Variants in TDRD5 observed in about 807,000 individuals in gnomAD.
TDRD5 encodes tudor domain containing 5.
A neutral mutation model predicts 120.6 loss-of-function variants in TDRD5; 41 were observed. The observed-to-expected ratio is 0.34, with a 90% CI of 0.26 to 0.44. The LOEUF is 0.44. TDRD5 is among the 20% of genes least tolerant of loss of function. The pLI is 1.00. For missense variants in TDRD5, 1,006 were observed against 1,221.2 expected (o/e 0.82, Z 2.63); for synonymous variants, 430 against 433.7 (o/e 0.99, Z 0.11).
intron 8 of TDRD5, 137 bp from the exon 9 acceptor site, chr1:179,635,530 A>G: frequency 1.2e-6 from 1 of 819,980 alleles, no homozygotes; most frequent in South Asian, 1.9e-5. Context: ...AGTCTGGGCT[A>G]GAGTTCAAGA....
At chr1:179,599,946 T>C (rs1675617265) in intron 4 of TDRD5, among the ~76,000 whole-genome samples, 4 of 152,186 alleles carry the variant, frequency 2.6e-5, no homozygotes, top group South Asian at 4.1e-4. Flanking sequence ...TAGTTGATAA[T>C]GACAATCAAC....
In TDRD5 at chr1:179,638,320, G is replaced by A. The variant is rs530304020; in HGVS notation, c.1521-1519G>A. Among the ~76,000 whole-genome samples the A allele has an allele frequency of 5.5e-5, 7 of 127,012 alleles. 1 individual carries two copies. The South Asian group carries it at 8.0e-4, about 15-fold the overall frequency. The allele number at this position is 127,012 out of a possible 152,430, so 83.3% of individuals were successfully genotyped here. On this transcript the variant is annotated intron_variant, in intron 9 of 17. Coordinates refer to ENST00000444136, the MANE Select transcript of TDRD5 (RefSeq NM_001199085.3). ...CAGGTGACAAGAAGGGTGTTGAGAA[G>A]AATAAGAAAGAGAAGGAGATGATGA...
intron 12 of TDRD5, 33 bp from the exon 13 acceptor site, chr1:179,652,006 A>G (rs1553330820): frequency 1.2e-6 from 2 of 1,605,556 alleles, no homozygotes; most frequent in South Asian, 2.3e-5. Flanking sequence ...GGTCATGTAA[A>G]TTAAACCATC....
chr1:179,677,728 G>T (rs949626933), intron 17 of TDRD5, among the ~76,000 whole-genome samples: 4 of 152,216 alleles, frequency 2.6e-5, no homozygotes. Context: ...TGCAGCCATA[G>T]ATACCAGCAC....
At position 179,647,622 on chromosome 1, in the gene TDRD5, TG is replaced by T. The variant is rs1678455453; in HGVS notation, c.1801-3244del. 2.0e-5 allele frequency among the ~76,000 whole-genome samples: 3 copies of T among 152,130 alleles called. No individual in the cohort carries two copies. In the South Asian group the frequency reaches 6.2e-4, roughly 32 times the overall value. On this transcript the variant is annotated intron_variant, in intron 11 of 17. Transcript: ENST00000444136. Reference sequence around the variant, plus strand: ...AAATGGGATCTAATTAAAGAGCTTCTGCACAGCAAAAGAAACTACCATCAGA... The same window carrying T: ...AAATGGGATCTAATTAAAGAGCTTCTCACAGCAAAAGAAACTACCATCAGA...
intron 4 of TDRD5, among the ~76,000 whole-genome samples, chr1:179,608,456 TTC>T (rs1286934754): frequency 6.6e-6 from 1 of 151,714 alleles, no homozygotes; most frequent in African/African-American, 2.4e-5. Flanking sequence ...TTCATTACAA[TTC>T]TCTTTTTTCC....
At chr1:179,646,212 T>C (rs992192925) in intron 11 of TDRD5, among the ~76,000 whole-genome samples, 6 of 152,224 alleles carry the variant, frequency 3.9e-5, no homozygotes, top group Non-Finnish European at 8.8e-5. Flanking sequence ...ATGATTACTC[T>C]AGGAAATACA....
intron 6 of TDRD5, among the ~76,000 whole-genome samples, chr1:179,622,200 T>C (rs1257471818): frequency 6.6e-6 from 1 of 152,166 alleles, no homozygotes; most frequent in East Asian, 1.9e-4. Context: ...GGGGCAGACA[T>C]AGAGCAGCCT....
chr1:179,672,312 C>A (rs1243465049), intron 17 of TDRD5, among the ~76,000 whole-genome samples: 2 of 152,080 alleles, frequency 1.3e-5, no homozygotes, highest in African/African-American at 4.8e-5. Flanking sequence ...GGTATTCTTG[C>A]AGAAGTGAGG....
intron 17 of TDRD5, among the ~76,000 whole-genome samples, chr1:179,675,270 A>ATTT (rs879312785): frequency 0.024 from 1,388 of 58,326 alleles, 124 homozygotes; most frequent in Middle Eastern, 0.035. Flanking sequence ...TATTATTATT[A>ATTT]TTATTTTTTT....
chr1:179,599,701 T>A (rs559616379), intron 4 of TDRD5, among the ~76,000 whole-genome samples: 34 of 152,134 alleles, frequency 2.2e-4, no homozygotes, highest in Non-Finnish European at 4.3e-4. Flanking sequence ...TCTATCTCTC[T>A]CATACACATA....
At chr1:179,596,114 A>G (rs967260229) in intron 4 of TDRD5, among the ~76,000 whole-genome samples, 3 of 152,170 alleles carry the variant, frequency 2.0e-5, no homozygotes, top group East Asian at 1.9e-4. Flanking sequence ...CATATTTGCA[A>G]TTTACCTCAC....
rs773663186 is a variant in TDRD5, at chr1:179,662,159, T to C, written c.2378T>C (p.Ile793Thr). 7 of 1,610,314 alleles carry C rather than the reference T, an allele frequency of 4.3e-6. No individual in the cohort carries two copies. Among genetic ancestry groups the C allele is most frequent in the Non-Finnish European group, 5.1e-6 (6 of 1,178,498 alleles). ...CLESVTIGDD[I>T]WDENWLPLQA... ...GAGTCAGTGACCATAGGTGATGATATTTGGGATGAGAACTGGTTACCTCTA... is the reference window on the plus strand; with the variant it reads ...GAGTCAGTGACCATAGGTGATGATACTTGGGATGAGAACTGGTTACCTCTA... The change falls in exon 15 of 18, where the codon ATT becomes ACT. Residue 793 changes from isoleucine to threonine, a missense_variant. Ile to Thr is a moderately conservative substitution (Grantham distance 89). Coordinates refer to ENST00000444136, the MANE Select transcript of TDRD5 (RefSeq NM_001199085.3).
intron 7 of TDRD5, among the ~76,000 whole-genome samples, chr1:179,633,463 T>G (rs1323274410): frequency 1.3e-5 from 2 of 151,988 alleles, no homozygotes; most frequent in Non-Finnish European, 2.9e-5. Flanking sequence ...GTGATTCTCC[T>G]GCCTCGGCCT....
rs547516706 is a variant in TDRD5 at position 179,667,983 on chromosome 1, G to C, written c.2650-1211G>C. Among the ~76,000 whole-genome samples the C allele has an allele frequency of 3.9e-5, 6 of 152,278 alleles. No individual in the cohort carries two copies. The South Asian group carries it at 8.3e-4, about 21-fold the overall frequency. On this transcript the variant is annotated intron_variant, in intron 16 of 17. Transcript: ENST00000444136. Reference sequence around the variant, plus strand: ...ACAATTATTGTTTCAGTTTGCTCTAGGCAGATCCCAGACGATAAACCACTT... The same window carrying C: ...ACAATTATTGTTTCAGTTTGCTCTACGCAGATCCCAGACGATAAACCACTT...
At position 179,639,867 on chromosome 1, in the gene TDRD5, G is replaced by C. The variant is rs1386447818; in HGVS notation, c.1549G>C (p.Asp517His). 1.2e-6 allele frequency: 2 copies of C among 1,614,066 alleles called. No individual in the cohort carries two copies. Among genetic ancestry groups the C allele is most frequent in the South Asian group, 2.2e-5 (2 of 91,082 alleles). Residue 517 changes from aspartate (D) to histidine (H), a missense_variant, in exon 10 of 18, where the codon GAT becomes CAT. By Grantham distance (81) the Asp-to-His change is moderately conservative (BLOSUM62 -1). Coordinates refer to ENST00000444136, the MANE Select transcript of TDRD5 (RefSeq NM_001199085.3). Reference protein sequence around the residue: ...RRCYSNQLVSDRYVMPECFIQ... With the variant: ...RRCYSNQLVSHRYVMPECFIQ... The stretch of plus-strand genomic sequence containing the variant: ...CTGTTATTCTAATCAGCTGGTTTCT[G>C]ATCGATATGTCATGCCAGAATGTTT...
At chr1:179,604,381 T>A (rs1305098196) in intron 4 of TDRD5, among the ~76,000 whole-genome samples, 5 of 152,134 alleles carry the variant, frequency 3.3e-5, no homozygotes, top group Admixed American at 3.3e-4. Flanking sequence ...TTTCATTTAG[T>A]TCTGCTCTGA....
intron 4 of TDRD5, 68 bp downstream of exon 4, chr1:179,595,886 T>G (rs1675367698): frequency 7.0e-7 from 1 of 1,431,370 alleles, no homozygotes; most frequent in African/African-American, 1.5e-5. Context: ...AACACTTTGA[T>G]CTGATGGAAA....
At chr1:179,666,571 C>T (rs971787133) in intron 16 of TDRD5, among the ~76,000 whole-genome samples, 11 of 152,140 alleles carry the variant, frequency 7.2e-5, no homozygotes, top group African/African-American at 1.2e-4. Flanking sequence ...TCCTACCTCC[C>T]GACGTAATTT....
Sources: gnomAD v4.1 joint callset for allele counts (sites outside exome capture counted in the v4.1 genomes callset) on GRCh38, gnomAD v4.1.1 for gene constraint, MANE v1.5 for transcripts, NCBI Gene and HGNC (gene_info 2026-07-23, HGNC 2026-07-21) for gene names.